SETD3: variants seen among roughly 807,000 people sequenced by gnomAD.
The protein encoded by SETD3 is SET domain containing 3, actin N3(tau)-histidine methyltransferase.
In SETD3, 19 loss-of-function variants were observed where a neutral mutation model predicts 63.0. The ratio of observed to expected loss-of-function variants is 0.30; its 90% confidence interval spans 0.21 to 0.44. The LOEUF (loss-of-function observed/expected upper bound fraction) is 0.44, where lower values mean the gene tolerates loss of function less well. Among genes scored for constraint, SETD3 ranks in the 20% least tolerant of loss-of-function variants. The pLI is 1.00. For missense variants in SETD3, 587 were observed against 728.5 expected, an observed-to-expected ratio of 0.81 and a Z score of 2.24; for synonymous variants, 286 against 264.1, an observed-to-expected ratio of 1.08 and a Z score of -0.80.
chr14:99,405,342 G>A lies in SETD3; in HGVS notation c.954C>T (p.Asn318=), dbSNP rs148994126. ...QIYIFYGTRS[N]AEFVIHSGFF... ...AACCACTGTGGATCACAAACTCTGC[G>A]TTGGATCGAGTGCCATAAAAAATGT... Residue 318 remains asparagine, a synonymous_variant, in exon 10 of 13, where the codon AAC becomes AAT. Transcript: ENST00000331768. 19 of 1,611,132 alleles carry A rather than the reference G, an allele frequency of 1.2e-5. No homozygotes were observed. Among genetic ancestry groups the A allele is most frequent in the South Asian group, 6.7e-5 (6 of 90,098 alleles).
In SETD3 at chr14:99,459,560, CT is replaced by C. The variant is rs1248616556; in HGVS notation, c.346-376del. On this transcript the variant is annotated intron_variant, in intron 4 of 12. Coordinates refer to ENST00000331768, the MANE Select transcript of SETD3 (RefSeq NM_032233.3). ...ACCAGACCAAATCAAAACAAAATTC[CT>C]GCCTCCAACAAAAACCCTAATCTGT... Among the ~76,000 whole-genome samples, 7 of 152,164 alleles carry C rather than the reference CT, an allele frequency of 4.6e-5. No individual in the cohort carries two copies. In the East Asian group the frequency reaches 1.3e-3, roughly 29 times the overall value.
intron 6 of SETD3, among the ~76,000 whole-genome samples, chr14:99,439,580 T>C (rs1254097818): frequency 1.3e-5 from 2 of 148,154 alleles, no homozygotes; most frequent in Non-Finnish European, 3.0e-5. Context: ...CATATATTTA[T>C]ATATAAATAT....
At chr14:99,407,133 A>AT (rs1891725661) in intron 8 of SETD3, among the ~76,000 whole-genome samples, 1 of 152,260 alleles carries the variant, frequency 6.6e-6, no homozygotes, top group African/African-American at 2.4e-5. Context: ...ACTTTCAAGC[A>AT]TGCAAAGGCA....
At chr14:99,415,215 T>C (rs1027970410) in intron 6 of SETD3, among the ~76,000 whole-genome samples, 1 of 152,212 alleles carries the variant, frequency 6.6e-6, no homozygotes, top group Non-Finnish European at 1.5e-5. Flanking sequence ...TGGGAAAGTG[T>C]TGTTTTTGTT....
At chr14:99,469,739 C>T (rs1895594080) in intron 1 of SETD3, among the ~76,000 whole-genome samples, 1 of 152,050 alleles carries the variant, frequency 6.6e-6, no homozygotes, top group South Asian at 2.1e-4. Context: ...GAGGGAGACC[C>T]TGACTAAAAA....
chr14:99,462,584 T>C (rs1595256348), intron 3 of SETD3, among the ~76,000 whole-genome samples: 1 of 152,232 alleles, frequency 6.6e-6, no homozygotes, highest in Admixed American at 6.5e-5. Flanking sequence ...AAACAGTATC[T>C]ACGCAGAAGA....
rs3918028 is a variant in SETD3, at chr14:99,480,837, C to A, written c.-118G>T. On this transcript the variant is annotated 5_prime_UTR_variant, in exon 1 of 13. Coordinates refer to ENST00000331768, the MANE Select transcript of SETD3 (RefSeq NM_032233.3). Reference sequence around the variant, plus strand: ...GGCGGTGGCGGCGGCGGCGGCCGGACGGGAGGGGCGGGACGGCAGCCTGAG... The same window carrying A: ...GGCGGTGGCGGCGGCGGCGGCCGGAAGGGAGGGGCGGGACGGCAGCCTGAG... The A allele has an allele frequency of 6.2e-6, 1 of 161,148 alleles. No individual in the cohort carries two copies. Among genetic ancestry groups the A allele is most frequent in the Non-Finnish European group, 1.3e-5 (1 of 75,968 alleles). 10.0% of individuals were successfully genotyped at this position (161,148 alleles called of 1,614,324 possible).
intron 3 of SETD3, among the ~76,000 whole-genome samples, chr14:99,462,997 T>C (rs1354359594): frequency 6.6e-6 from 1 of 152,196 alleles, no homozygotes; most frequent in East Asian, 1.9e-4. Context: ...CACGCCAGCC[T>C]GGATGAGAAT....
At position 99,456,630 on chromosome 14, in the gene SETD3, T is replaced by C. The variant is rs1894777485; in HGVS notation, c.675+1649A>G. On this transcript the variant is annotated intron_variant, in intron 6 of 12. Coordinates refer to ENST00000331768, the MANE Select transcript of SETD3 (RefSeq NM_032233.3). ...AGAAGGTGGTATAATTTAATCCCCG[T>C]AGCATCTCAGCATCATCTAAGGAAG... is the stretch of plus-strand genomic sequence containing the variant. Among the ~76,000 whole-genome samples, 5 of 152,200 alleles carry C rather than the reference T, an allele frequency of 3.3e-5. No individual in the cohort carries two copies. The South Asian group carries it at 1.0e-3, about 32-fold the overall frequency.
chr14:99,403,455 A>ACACACT (rs1416541957), intron 11 of SETD3, among the ~76,000 whole-genome samples: 10 of 135,540 alleles, frequency 7.4e-5, no homozygotes, highest in Admixed American at 6.5e-4. Flanking sequence ...ACACACACAC[A>ACACACT]CTCTCTCTCT....
At chr14:99,399,220 A>G in intron 12 of SETD3, 95 bp from the exon 13 acceptor site, 1 of 1,077,890 alleles carries the variant, frequency 9.3e-7, no homozygotes, top group East Asian at 2.4e-5. Context: ...ACATGAGGGA[A>G]CTTTTTGGGG....
intron 1 of SETD3, 103 bp from the exon 2 acceptor site, chr14:99,465,916 C>CT: frequency 1.5e-6 from 1 of 658,716 alleles, no homozygotes; most frequent in Non-Finnish European, 2.6e-6. Context: ...TCTTCAGAGG[C>CT]TAAGATCTTA....
At chr14:99,423,699 C>G (rs1192534178) in intron 6 of SETD3, among the ~76,000 whole-genome samples, 1 of 150,346 alleles carries the variant, frequency 6.7e-6, no homozygotes, top group East Asian at 2.0e-4. Context: ...CACAGTACTT[C>G]CATAAGTACT....
chr14:99,443,124 AAGGATCT>A (rs1893927275), intron 6 of SETD3, among the ~76,000 whole-genome samples: 1 of 152,150 alleles, frequency 6.6e-6, no homozygotes, highest in South Asian at 2.1e-4. Context: ...CACATTTTAT[AAGGATCT>A]AAACAAATGT....
intron 1 of SETD3, among the ~76,000 whole-genome samples, chr14:99,471,187 C>G (rs1895683722): frequency 1.3e-5 from 2 of 152,162 alleles, no homozygotes; most frequent in African/African-American, 4.8e-5. Flanking sequence ...CCCATAGGAT[C>G]TAATATAGTG....
the SETD3 span, among the ~76,000 whole-genome samples, chr14:99,486,407 A>G: frequency 1.3e-5 from 2 of 152,194 alleles, no homozygotes; most frequent in African/African-American, 4.8e-5. Context: ...AGAGTTCTGT[A>G]CCCAGACCCC....
intron 6 of SETD3, among the ~76,000 whole-genome samples, chr14:99,456,906 C>A (rs1173048423): frequency 1.3e-5 from 2 of 152,202 alleles, no homozygotes; most frequent in African/African-American, 4.8e-5. Flanking sequence ...AACCTGCCAA[C>A]AGAAGAGAGT....
chr14:99,433,575 C>T (rs980472619), intron 6 of SETD3, among the ~76,000 whole-genome samples: 1 of 152,008 alleles, frequency 6.6e-6, no homozygotes, highest in African/African-American at 2.4e-5. Flanking sequence ...GTAGCTGAGA[C>T]TACAGGCATG....
At chr14:99,477,699 G>A (rs1014572576) in intron 1 of SETD3, among the ~76,000 whole-genome samples, 1 of 134,096 alleles carries the variant, frequency 7.5e-6, no homozygotes, top group Non-Finnish European at 1.5e-5. Flanking sequence ...GGTGAGCCGA[G>A]ATCACGACAT....
Sources: gnomAD v4.1 joint callset for allele counts (sites outside exome capture counted in the v4.1 genomes callset) on GRCh38, gnomAD v4.1.1 for gene constraint, MANE v1.5 for transcripts, NCBI Gene and HGNC (gene_info 2026-07-23, HGNC 2026-07-21) for gene names.